The following CACNA2D4 variants were observed in gnomAD, a reference collection of about 807,000 sequenced individuals.
CACNA2D4 encodes voltage-dependent calcium channel subunit alpha-2/delta-4.
Under a neutral mutation model 163.8 loss-of-function variants are expected in CACNA2D4, and 157 were observed. That is an observed-to-expected ratio of 0.96 (90% CI 0.84 to 1.09). The LOEUF is 1.09. Ranked by LOEUF, CACNA2D4 falls within the 50% of genes least tolerant of loss-of-function variation. The pLI is 0.00. For missense variants in CACNA2D4, 1,410 were observed against 1,479.9 expected (o/e 0.95, Z 0.78); for synonymous variants, 598 against 586.9 (o/e 1.02, Z -0.27).
intron 28 of CACNA2D4, 43 bp from the exon 29 acceptor site, chr12:1,810,383 C>G (rs773847606): frequency 1.9e-6 from 3 of 1,580,386 alleles, no homozygotes; most frequent in Non-Finnish European, 2.6e-6. Context: ...GGGCCCTCAC[C>G]CACCCCGGTC....
At chr12:1,893,477 C>T (rs768907539) in intron 6 of CACNA2D4, among the ~76,000 whole-genome samples, 3 of 152,036 alleles carry the variant, frequency 2.0e-5, no homozygotes, top group Non-Finnish European at 4.4e-5. Flanking sequence ...GAGATCACAC[C>T]ACTGCACTCC....
At chr12:1,918,106 A>T in intron 1 of CACNA2D4, 141 bp downstream of exon 1, 1 of 674,290 alleles carries the variant, frequency 1.5e-6, no homozygotes, top group Non-Finnish European at 2.6e-6. Context: ...ACAGCAAGAG[A>T]GTGGTCAGTC....
rs139768928 is a variant in CACNA2D4, at chr12:1,880,615, G to A, written c.1486-734C>T. ...GCATGTGGGAAGAGAGGTATCGTAA[G>A]TCCGACCTTGGATGAGATCAACTAA... On this transcript the variant is annotated intron_variant, in intron 13 of 37. Coordinates refer to ENST00000382722, the MANE Select transcript of CACNA2D4 (RefSeq NM_172364.5). Among the ~76,000 whole-genome samples, 1,062 of 152,392 alleles carry A rather than the reference G, an allele frequency of 7.0e-3. 10 individuals carry two copies. The highest frequency in any genetic ancestry group is 0.011 in the Non-Finnish European group (742 of 68,046).
intron 26 of CACNA2D4, chr12:1,830,877 G>A (rs1864590641): frequency 1.4e-6 from 2 of 1,386,912 alleles, no homozygotes; most frequent in Admixed American, 2.4e-5. Flanking sequence ...GGGAAGAGAA[G>A]CAGGAGGTGG....
chr12:1,863,664 T>G (rs1400878854), intron 18 of CACNA2D4, among the ~76,000 whole-genome samples: 1 of 152,244 alleles, frequency 6.6e-6, no homozygotes, highest in Non-Finnish European at 1.5e-5. Flanking sequence ...CTAAGTATTT[T>G]ATGTTATTTG....
Position 1,828,679 on chromosome 12 carries a change from T to G in CACNA2D4, c.2551+12060A>C, listed in dbSNP as rs1592686997. 6.6e-6 allele frequency among the ~76,000 whole-genome samples: 1 copy of G among 152,274 alleles called. No homozygotes were observed. Among genetic ancestry groups the G allele is most frequent in the African/African-American group, 2.4e-5 (1 of 41,562 alleles). On this transcript the variant is annotated intron_variant, in intron 26 of 37. Coordinates refer to ENST00000382722, the MANE Select transcript of CACNA2D4 (RefSeq NM_172364.5). This position sits in a 1 kb window ranked among gnomAD's most constrained non-coding sequence, Gnocchi z 4.2. ...GCTGGGTCAGCTTGGAGATGTCTCT[T>G]ATGCTCCTTATGCCTCCGCTTTCCC... is the stretch of plus-strand genomic sequence containing the variant.
At chr12:1,870,465 C>G (rs558012181) in intron 18 of CACNA2D4, among the ~76,000 whole-genome samples, 2 of 151,652 alleles carry the variant, frequency 1.3e-5, no homozygotes, top group Non-Finnish European at 1.5e-5. Flanking sequence ...AACCTTGCAG[C>G]CTTCTGCTTG....
chr12:1,912,202 G>T lies in CACNA2D4; in HGVS notation c.426+821C>A, dbSNP rs530092269. On this transcript the variant is annotated intron_variant, in intron 3 of 37. Transcript: ENST00000382722. Reference sequence around the variant, plus strand: ...CCTCCCAATCCAGCCAACCACTCCCGATCTCCTCTCTCCTTGTTCTCCTGG... The same window carrying T: ...CCTCCCAATCCAGCCAACCACTCCCTATCTCCTCTCTCCTTGTTCTCCTGG... Among the ~76,000 whole-genome samples the T allele has an allele frequency of 3.1e-4, 47 of 152,244 alleles. No individual in the cohort carries two copies. In the South Asian group the frequency reaches 8.5e-3, roughly 28 times the overall value.
intron 3 of CACNA2D4, among the ~76,000 whole-genome samples, 187 bp downstream of exon 3, chr12:1,912,836 T>A (rs920931497): frequency 6.6e-6 from 1 of 152,090 alleles, no homozygotes; most frequent in Non-Finnish European, 1.5e-5. Flanking sequence ...TTCCTGTCAT[T>A]TCCTCTTTCA....
chr12:1,911,855 T>C (rs1866828638), intron 3 of CACNA2D4, among the ~76,000 whole-genome samples: 1 of 152,194 alleles, frequency 6.6e-6, no homozygotes, highest in South Asian at 2.1e-4. Context: ...CGCTCACTGA[T>C]TGAAAGAGGC....
Position 1,915,133 on chromosome 12 carries a change from C to G in CACNA2D4, c.228-198G>C. The G allele has an allele frequency of 4.3e-6, 3 of 704,170 alleles. No individual in the cohort carries two copies. The South Asian group carries it at 4.4e-5, about 10-fold the overall frequency. The allele number at this position is 704,170 out of a possible 1,614,324, so 43.6% of individuals were successfully genotyped here. On this transcript the variant is annotated intron_variant, in intron 1 of 37. Transcript: ENST00000382722. ...CACGTACACACACATACATACCCCCCACACACATGCATATGCATACACACA... is the reference window on the plus strand; with the variant it reads ...CACGTACACACACATACATACCCCCGACACACATGCATATGCATACACACA...
intron 29 of CACNA2D4, among the ~76,000 whole-genome samples, chr12:1,805,926 G>A (rs1002817203): frequency 2.0e-4 from 30 of 152,246 alleles, no homozygotes; most frequent in Admixed American, 5.2e-4. Flanking sequence ...GAGGGATTCA[G>A]AGAAACAGGA....
intron 18 of CACNA2D4, among the ~76,000 whole-genome samples, chr12:1,866,718 T>G (rs1200268453): frequency 6.6e-6 from 1 of 152,010 alleles, no homozygotes; most frequent in Non-Finnish European, 1.5e-5. Context: ...CCTCCTGGGC[T>G]CAAGTGATTC....
chr12:1,857,554 A>G (rs1242384604), intron 20 of CACNA2D4, among the ~76,000 whole-genome samples: 2 of 152,154 alleles, frequency 1.3e-5, no homozygotes. Flanking sequence ...CAGATAGCAG[A>G]GGGTAGTATG....
intron 3 of CACNA2D4, among the ~76,000 whole-genome samples, chr12:1,912,685 C>G (rs1592753177): frequency 6.6e-6 from 1 of 152,230 alleles, no homozygotes; most frequent in East Asian, 1.9e-4. Context: ...AGGTGCTCAC[C>G]CCGTGCAGTG....
At chr12:1,830,408 T>A (rs1864569318) in intron 26 of CACNA2D4, among the ~76,000 whole-genome samples, 1 of 152,130 alleles carries the variant, frequency 6.6e-6, no homozygotes, top group Non-Finnish European at 1.5e-5. Flanking sequence ...CATACACAGC[T>A]CCAGAGTTGG....
At position 1,801,079 on chromosome 12, in the gene CACNA2D4, C is replaced by G; in HGVS notation, c.2832G>C (p.Ser944=). 1 of 1,613,680 alleles carries G rather than the reference C, an allele frequency of 6.2e-7. No individual in the cohort carries two copies. Among genetic ancestry groups the G allele is most frequent in the Non-Finnish European group, 8.5e-7 (1 of 1,179,870 alleles). The change falls in exon 31 of 38, where the codon TCG becomes TCC. Residue 944 remains serine (S), a synonymous_variant. Transcript: ENST00000382722. ...MYDYQAMCKP[S]SHHHSAAQPL... is the part of the protein sequence containing the mutation. ...GCTGGGCTGCACTGTGGTGGTGACT[C>G]GAGGGTTTGCACATGGCCTGATAGT... is the stretch of plus-strand genomic sequence containing the variant.
chr12:1,830,826 A>C (rs1592690506), intron 26 of CACNA2D4: 11 of 896,358 alleles, frequency 1.2e-5, no homozygotes, highest in Non-Finnish European at 1.7e-6. Flanking sequence ...GGCTTGTGCC[A>C]AAGGAGATAA....
intron 26 of CACNA2D4, chr12:1,827,969 G>A: frequency 2.2e-6 from 1 of 444,542 alleles, no homozygotes; most frequent in Non-Finnish European, 3.9e-6. Context: ...GAGAGGAACA[G>A]GAGAGGGCAT....
Sources: allele counts gnomAD v4.1 joint callset (sites outside exome capture counted in the v4.1 genomes callset), GRCh38; gene constraint gnomAD v4.1.1; non-coding constraint Gnocchi (gnomAD v3.1); transcripts MANE v1.5; gene names NCBI Gene and HGNC (gene_info 2026-07-23, HGNC 2026-07-21).